The following FERMT1 variants were observed in gnomAD, a reference collection of about 807,000 sequenced individuals.
The protein encoded by FERMT1 is fermitin family homolog 1.
FERMT1 carries 60 observed loss-of-function variants against 85.3 expected under a neutral mutation model. The observed-to-expected ratio is 0.70, with a 90% CI of 0.57 to 0.87. The LOEUF (loss-of-function observed/expected upper bound fraction) is 0.87. FERMT1 is among the 40% of genes least tolerant of loss of function. The probability of loss-of-function intolerance (pLI) is 0.00; values close to 1 mark genes in which losing one functional copy is unlikely to be tolerated. For synonymous variants in FERMT1, 275 were observed against 301.1 expected, an observed-to-expected ratio of 0.91 and a Z score of 0.90; for missense variants, 701 against 818.9, an observed-to-expected ratio of 0.86 and a Z score of 1.76.
At chr20:6,106,795 G>C (rs145145160) in intron 6 of FERMT1, among the ~76,000 whole-genome samples, 80 of 152,320 alleles carry the variant, frequency 5.3e-4, no homozygotes, top group African/African-American at 1.8e-3. Context: ...GAGTAAGCAA[G>C]CACTGGAGTG....
intron 9 of FERMT1, among the ~76,000 whole-genome samples, chr20:6,091,993 T>G (rs1251998580): frequency 6.7e-6 from 1 of 149,152 alleles, no homozygotes; most frequent in Non-Finnish European, 1.5e-5. Flanking sequence ...CTGGGTGGAG[T>G]GCAGTGGTGC....
intron 13 of FERMT1, among the ~76,000 whole-genome samples, chr20:6,083,377 A>T (rs1039446988): frequency 2.0e-5 from 3 of 152,116 alleles, no homozygotes; most frequent in African/African-American, 7.2e-5. Context: ...CATCCTTCAG[A>T]CCCAGAAATC....
In FERMT1 at chr20:6,112,576, A is replaced by G. The variant is rs1230840491; in HGVS notation, c.433T>C (p.Tyr145His). The G allele has an allele frequency of 2.4e-5, 38 of 1,605,184 alleles. No individual in the cohort carries two copies. The highest frequency in any genetic ancestry group is 3.1e-5 in the Non-Finnish European group (36 of 1,174,656). ...TCTTTTTTCTTCTTCTTCTTAAAAT[A>G]GTCACCAGACGGCTTTAACAAGGAA... ...ELSLLKPSGD[Y>H]FKKKKKKDKN... Residue 145 changes from tyrosine to histidine, a missense_variant, in exon 4 of 15, where the codon TAT becomes CAT. Coordinates refer to ENST00000217289, the MANE Select transcript of FERMT1 (RefSeq NM_017671.5).
chr20:6,099,585 G>A (rs75160453), intron 6 of FERMT1, among the ~76,000 whole-genome samples: 14,299 of 151,936 alleles, frequency 0.094, 1,160 homozygotes, highest in East Asian at 0.46. Context: ...GATTACCAGG[G>A]GCAAAAGAGA....
Position 6,112,476 on chromosome 20 carries a change from C to T in FERMT1, c.532+1G>A, listed in dbSNP as rs943430432. ...AACAAAACACCTGTAACAAGTCTTA[C>T]CTGATGAACCTGAAGCTGTTGGAGA... On this transcript the variant is annotated splice_donor_variant, in intron 4 of 14. Coordinates refer to ENST00000217289, the MANE Select transcript of FERMT1 (RefSeq NM_017671.5). LOFTEE classifies it high-confidence loss of function. 9 of 1,613,564 alleles carry T rather than the reference C, an allele frequency of 5.6e-6. No homozygotes were observed. The East Asian group carries it at 1.3e-4, about 24-fold the overall frequency.
intron 13 of FERMT1, among the ~76,000 whole-genome samples, chr20:6,081,159 G>C (rs143394463): frequency 1.3e-5 from 2 of 152,054 alleles, no homozygotes; most frequent in South Asian, 2.1e-4. Flanking sequence ...CTCACAAGTC[G>C]CAGCTACTTG....
At chr20:6,103,685 T>C (rs1982720995) in intron 6 of FERMT1, among the ~76,000 whole-genome samples, 1 of 151,970 alleles carries the variant, frequency 6.6e-6, no homozygotes, top group Admixed American at 6.6e-5. Flanking sequence ...TTCTTATTAC[T>C]GATTTTTAGG....
At chr20:6,115,696 C>T (rs1983076461) in intron 3 of FERMT1, 115 bp downstream of exon 3, 3 of 818,082 alleles carry the variant, frequency 3.7e-6, no homozygotes, top group Non-Finnish European at 6.3e-6. Context: ...ACATGTGCTT[C>T]CTAATAGGTG....
chr20:6,112,818 C>T (rs945560947), intron 3 of FERMT1, among the ~76,000 whole-genome samples, 195 bp from the exon 4 acceptor site: 3 of 152,018 alleles, frequency 2.0e-5, no homozygotes, highest in African/African-American at 2.4e-5. Flanking sequence ...GGGGAGAAAA[C>T]GGTGGAGGGA....
rs1175900048 is a variant in FERMT1 at position 6,091,442 on chromosome 20, C to T, written c.1140-2353G>A. On this transcript the variant is annotated intron_variant, in intron 9 of 14. Transcript: ENST00000217289. ...CTGGGGTTTCATCATGTTGGCTAGACTGGTCTTGAACTCCTGAGAGCTCAA... is the reference window on the plus strand; with the variant it reads ...CTGGGGTTTCATCATGTTGGCTAGATTGGTCTTGAACTCCTGAGAGCTCAA... Among the ~76,000 whole-genome samples the T allele has an allele frequency of 3.9e-5, 6 of 151,914 alleles. No individual in the cohort carries two copies. The East Asian group carries it at 1.2e-3, about 30-fold the overall frequency.
chr20:6,115,760 T>C (rs1983077988), intron 3 of FERMT1, 51 bp downstream of exon 3: 2 of 1,350,722 alleles, frequency 1.5e-6, no homozygotes, highest in African/African-American at 1.4e-5. Flanking sequence ...AATTTTCCTG[T>C]CTAGCTTTGC....
chr20:6,117,455 A>G (rs1983133348), intron 2 of FERMT1, among the ~76,000 whole-genome samples: 2 of 139,620 alleles, frequency 1.4e-5, no homozygotes, highest in African/African-American at 2.7e-5. Context: ...TTTTTTTGAG[A>G]TGGAGTCTCA....
At chr20:6,107,810 T>C (rs1428695170) in intron 5 of FERMT1, among the ~76,000 whole-genome samples, 176 bp from the exon 6 acceptor site, 3 of 152,230 alleles carry the variant, frequency 2.0e-5, no homozygotes, top group African/African-American at 7.2e-5. Flanking sequence ...TCTGACACTT[T>C]CTGAGCACTG....
chr20:6,076,782 A>G lies in FERMT1; in HGVS notation c.*391T>C. On this transcript the variant is annotated 3_prime_UTR_variant, in exon 15 of 15. Coordinates refer to ENST00000217289, the MANE Select transcript of FERMT1 (RefSeq NM_017671.5). ...GTGAAATAAGAGTTGTTCTTGCTAC[A>G]CGTGATTTTTACCTTTCTGTCTTCT... 2.9e-6 allele frequency: 1 copy of G among 342,144 alleles called. No individual in the cohort carries two copies. Among genetic ancestry groups the G allele is most frequent in the East Asian group, 7.5e-5 (1 of 13,416 alleles). 21.2% of individuals were successfully genotyped at this position (342,144 alleles called of 1,614,324 possible). A position where few individuals can be genotyped will look rare whatever the true frequency, so the allele number is the denominator to read the frequency against.
chr20:6,087,762 T>G lies in FERMT1; in HGVS notation c.1371+15A>C, dbSNP rs766409444. 21 of 1,382,818 alleles carry G rather than the reference T, an allele frequency of 1.5e-5. 1 individual carries two copies. Among genetic ancestry groups the G allele is most frequent in the Non-Finnish European group, 2.1e-5 (20 of 968,776 alleles). 85.7% of individuals were successfully genotyped at this position (1,382,818 alleles called of 1,614,324 possible). Reference sequence around the variant, plus strand: ...TGGAGGTGAAGTGACTTAATATTTTTGGGGTTTTACTCACATGGTCACATC... The same window carrying G: ...TGGAGGTGAAGTGACTTAATATTTTGGGGGTTTTACTCACATGGTCACATC... On this transcript the variant is annotated intron_variant, in intron 11 of 14. Coordinates refer to ENST00000217289, the MANE Select transcript of FERMT1 (RefSeq NM_017671.5).
At chr20:6,082,952 G>A (rs151303677) in intron 13 of FERMT1, among the ~76,000 whole-genome samples, 5 of 152,206 alleles carry the variant, frequency 3.3e-5, no homozygotes, top group Admixed American at 6.5e-5. Flanking sequence ...GAGCCACCGC[G>A]CCCAGCTGGA....
At chr20:6,108,051 A>G (rs1982846825) in intron 5 of FERMT1, among the ~76,000 whole-genome samples, 1 of 152,090 alleles carries the variant, frequency 6.6e-6, no homozygotes, top group African/African-American at 2.4e-5. Flanking sequence ...TTTTCAGTAG[A>G]GAGGGGGTTT....
At chr20:6,093,294 T>C (rs1982415036) in intron 9 of FERMT1, among the ~76,000 whole-genome samples, 1 of 152,170 alleles carries the variant, frequency 6.6e-6, no homozygotes, top group Non-Finnish European at 1.5e-5. Context: ...CCATGAACTA[T>C]ATTATATATT....
chr20:6,087,459 C>T (rs1192845875), intron 11 of FERMT1, among the ~76,000 whole-genome samples: 1 of 152,104 alleles, frequency 6.6e-6, no homozygotes, highest in African/African-American at 2.4e-5. Context: ...TACAGGCACC[C>T]ACCACCATGC....
Sources: allele counts gnomAD v4.1 joint callset (sites outside exome capture counted in the v4.1 genomes callset), GRCh38; gene constraint gnomAD v4.1.1; transcripts MANE v1.5; gene names NCBI Gene and HGNC (gene_info 2026-07-23, HGNC 2026-07-21).